EVL: variants seen among roughly 807,000 people sequenced by gnomAD.
EVL encodes the protein ena/VASP-like protein.
In EVL, 21 loss-of-function variants were observed where a neutral mutation model predicts 59.6. The observed-to-expected ratio is 0.35, with a 90% CI of 0.25 to 0.51. The LOEUF (loss-of-function observed/expected upper bound fraction) is 0.51. EVL is among the 20% of genes least tolerant of loss of function. EVL has a pLI of 0.97. For synonymous variants in EVL, 198 were observed against 203.5 expected (o/e 0.97, Z 0.23); for missense variants, 462 against 546.6 (o/e 0.85, Z 1.54).
intron 1 of EVL, among the ~76,000 whole-genome samples, chr14:100,029,813 G>T (rs1261936715): frequency 6.6e-6 from 1 of 152,112 alleles, no homozygotes; most frequent in Non-Finnish European, 1.5e-5. Flanking sequence ...AGTTTTTGCT[G>T]TCTTCTCAGG....
chr14:100,125,078 G>A (rs1390006931), intron 4 of EVL, among the ~76,000 whole-genome samples: 2 of 143,154 alleles, frequency 1.4e-5, no homozygotes, highest in East Asian at 4.2e-4. Context: ...TCCACGGTGG[G>A]ACCACACACA....
Position 100,128,606 on chromosome 14 carries a change from TCCCACCTCCACCCACTGGGGCTAC to T in EVL, c.585_608del (p.Thr197_Pro204del). ...CCTCCACCGCCCCCCCCACCCCCAG[TCCCACCTCCACCCACTGGGGCTAC>T]CCCACCTCCCCCACCCCCACTGCCA... On this transcript the variant is annotated inframe_deletion, in exon 6 of 14. Transcript: ENST00000392920. 1 of 688,766 alleles carries T rather than the reference TCCCACCTCCACCCACTGGGGCTAC, an allele frequency of 1.5e-6. No homozygotes were observed. The highest frequency in any genetic ancestry group is 2.0e-6 in the Non-Finnish European group (1 of 510,930). 42.7% of individuals were successfully genotyped at this position (688,766 alleles called of 1,614,324 possible). A position where few individuals can be genotyped will look rare whatever the true frequency, so the allele number is the denominator to read the frequency against.
intron 1 of EVL, among the ~76,000 whole-genome samples, chr14:100,014,049 T>C (rs180792496): frequency 3.1e-4 from 47 of 152,320 alleles, no homozygotes; most frequent in Middle Eastern, 3.4e-3. Context: ...AGTTATACTC[T>C]TTTAGTTATT....
intron 1 of EVL, among the ~76,000 whole-genome samples, chr14:99,988,440 G>T (rs1290824353): frequency 6.6e-6 from 1 of 152,192 alleles, no homozygotes; most frequent in Non-Finnish European, 1.5e-5. Context: ...TACACATTGG[G>T]AATGTGGATA....
intron 1 of EVL, among the ~76,000 whole-genome samples, chr14:100,043,961 G>A (rs1259906724): frequency 3.3e-5 from 5 of 151,592 alleles, no homozygotes; most frequent in East Asian, 3.9e-4. Context: ...GTATTGAGTC[G>A]TGATTATGGA....
At chr14:99,978,778 A>G (rs2140168755) in intron 1 of EVL, among the ~76,000 whole-genome samples, 1 of 152,342 alleles carries the variant, frequency 6.6e-6, no homozygotes, top group Non-Finnish European at 1.5e-5. Context: ...CTTGATAGAT[A>G]CTGTCATGAG....
intron 1 of EVL, among the ~76,000 whole-genome samples, chr14:100,076,887 C>G (rs1019816963): frequency 1.3e-5 from 2 of 152,202 alleles, no homozygotes; most frequent in Non-Finnish European, 2.9e-5. Context: ...ACGATGACTC[C>G]CTTCCTCATG....
chr14:100,097,767 T>G, intron 3 of EVL, 109 bp downstream of exon 3: 1 of 1,003,072 alleles, frequency 1.0e-6, no homozygotes, highest in South Asian at 1.8e-5. Context: ...TGCATTGAGC[T>G]GAGGTTGCAT....
Position 99,995,318 on chromosome 14 carries a change from CTTTA to C in EVL, c.5+23264_5+23267del, listed in dbSNP as rs200442822. On this transcript the variant is annotated intron_variant, in intron 1 of 13. Transcript: ENST00000402714. The stretch of plus-strand genomic sequence containing the variant: ...GTTCTTTGAGGTTCTCTTCACCTTT[CTTTA>C]TTCTTTTTTCGTTTTATCCCTCTGA... 1.1e-3 allele frequency among the ~76,000 whole-genome samples: 162 copies of C among 152,240 alleles called. 4 individuals carry two copies. In the East Asian group the frequency reaches 0.029, roughly 28 times the overall value.
rs1436650813 is a variant in EVL at position 100,130,696 on chromosome 14, G to C, written c.839+1012G>C. ...CAGAGGCCCACAGCTGCAGGCAGCT[G>C]GTGTGGCGCTTCATGGCAGGGCCAC... On this transcript the variant is annotated intron_variant, in intron 7 of 13. Coordinates refer to ENST00000392920, the MANE Select transcript of EVL (RefSeq NM_016337.3). The surrounding 1 kb of genome is among the most constrained non-coding windows in gnomAD (Gnocchi z 4.8). Among the ~76,000 whole-genome samples, 1 of 152,250 alleles carries C rather than the reference G, an allele frequency of 6.6e-6. No homozygotes were observed. The highest frequency in any genetic ancestry group is 1.5e-5 in the Non-Finnish European group (1 of 68,042).
intron 1 of EVL, among the ~76,000 whole-genome samples, chr14:99,979,329 T>G (rs2060791425): frequency 1.3e-5 from 2 of 152,184 alleles, no homozygotes; most frequent in South Asian, 4.1e-4. Flanking sequence ...GGGAACATTC[T>G]CTTCTGTGAA....
chr14:99,986,085 A>G (rs1355829643), intron 1 of EVL, among the ~76,000 whole-genome samples: 2 of 152,118 alleles, frequency 1.3e-5, no homozygotes, highest in Non-Finnish European at 2.9e-5. Context: ...TGAAGTCAGG[A>G]GTTCAAGACC....
In EVL at chr14:100,060,288, G is replaced by A. The variant is rs952588799; in HGVS notation, c.6-24399G>A. ...TACTAAAAAATACAAAAAATTAGCC[G>A]GGCGTGGTGGCGGGCGCCTGTAGTC... On this transcript the variant is annotated intron_variant, in intron 1 of 13. Transcript: ENST00000402714. Among the ~76,000 whole-genome samples, 71 of 151,932 alleles carry A rather than the reference G, an allele frequency of 4.7e-4. 1 individual carries two copies. Among genetic ancestry groups the A allele is most frequent in the Non-Finnish European group, 9.4e-4 (64 of 67,978 alleles).
chr14:100,074,790 G>A (rs757255708), intron 1 of EVL: 1 of 152,624 alleles, frequency 6.6e-6, no homozygotes, highest in African/African-American at 2.4e-5. Context: ...GCCAAGCCAT[G>A]CGGTGTCATG....
intron 12 of EVL, 60 bp downstream of exon 12, chr14:100,141,306 G>A (rs374870674): frequency 2.7e-5 from 42 of 1,581,572 alleles, no homozygotes; most frequent in Middle Eastern, 3.3e-4. Flanking sequence ...GCGGGGGACC[G>A]TCTCTGACCA....
intron 11 of EVL, 113 bp from the exon 12 acceptor site, chr14:100,141,067 C>T (rs1285754282): frequency 1.0e-6 from 1 of 967,866 alleles, no homozygotes; most frequent in East Asian, 2.7e-5. Flanking sequence ...AAGCAAGCAG[C>T]CTCTATGGAG....
At chr14:100,069,040 A>G (rs1241922299) in intron 1 of EVL, among the ~76,000 whole-genome samples, 1 of 152,320 alleles carries the variant, frequency 6.6e-6, no homozygotes, top group East Asian at 1.9e-4. Flanking sequence ...TCTACTGTAT[A>G]CTGTCTTTAC....
chr14:100,047,273 A>G (rs2061569290), intron 1 of EVL, among the ~76,000 whole-genome samples: 1 of 151,938 alleles, frequency 6.6e-6, no homozygotes, highest in Non-Finnish European at 1.5e-5. Context: ...GACGGGCGCT[A>G]TAGTTACCAT....
intron 1 of EVL, among the ~76,000 whole-genome samples, chr14:99,982,343 A>G (rs1162891990): frequency 6.6e-6 from 1 of 152,250 alleles, no homozygotes; most frequent in Non-Finnish European, 1.5e-5. Context: ...CAGATGGTAT[A>G]CTATAATTTA....
Sources: allele counts gnomAD v4.1 joint callset (sites outside exome capture counted in the v4.1 genomes callset), GRCh38; gene constraint gnomAD v4.1.1; non-coding constraint Gnocchi (gnomAD v3.1); transcripts MANE v1.5; gene names NCBI Gene and HGNC (gene_info 2026-07-23, HGNC 2026-07-21).